The following HEXB variants were observed in gnomAD, a reference collection of about 807,000 sequenced individuals.
HEXB encodes the protein hexosaminidase subunit beta, also known as beta-hexosaminidase subunit beta.
HEXB carries 51 observed loss-of-function variants against 71.2 expected under a neutral mutation model. The observed-to-expected ratio is 0.72, with a 90% CI of 0.57 to 0.90. The LOEUF (loss-of-function observed/expected upper bound fraction) is 0.90, where lower values mean the gene tolerates loss of function less well. Ranked by LOEUF, HEXB falls within the 40% of genes least tolerant of loss-of-function variation. HEXB has a pLI of 0.00. For missense variants in HEXB, 617 were observed against 677.0 expected (o/e 0.91, Z 0.98); for synonymous variants, 266 against 249.3 (o/e 1.07, Z -0.63).
chr5:74,704,367 ATTGT>A (rs1749332162), intron 5 of HEXB, among the ~76,000 whole-genome samples: 1 of 151,882 alleles, frequency 6.6e-6, no homozygotes, highest in Non-Finnish European at 1.5e-5. Flanking sequence ...CTTCTCCCTT[ATTGT>A]TTTTCATCTT....
chr5:74,698,548 C>T (rs1333584009), intron 5 of HEXB, among the ~76,000 whole-genome samples: 1 of 152,068 alleles, frequency 6.6e-6, no homozygotes, highest in African/African-American at 2.4e-5. Context: ...CACACCACCA[C>T]ACCCAGCTAA....
chr5:74,693,739 T>G, intron 3 of HEXB, 35 bp downstream of exon 3: 1 of 1,514,190 alleles, frequency 6.6e-7, no homozygotes, highest in South Asian at 1.1e-5. Context: ...TACTTTCCAG[T>G]AAAGGAAAAT....
At chr5:74,696,615 G>A (rs1580383397) in intron 3 of HEXB, 78 bp from the exon 4 acceptor site, 2 of 788,828 alleles carry the variant, frequency 2.5e-6, no homozygotes, top group African/African-American at 1.7e-5. Flanking sequence ...CTGGTTATGA[G>A]TCTGTTTGAA....
intron 1 of HEXB, among the ~76,000 whole-genome samples, chr5:74,674,458 G>C (rs1748594550): frequency 6.6e-6 from 1 of 152,024 alleles, no homozygotes; most frequent in Non-Finnish European, 1.5e-5. Flanking sequence ...GAAAAAATTA[G>C]CCAGGTATGG....
chr5:74,688,579 G>A (rs974602875), intron 1 of HEXB, among the ~76,000 whole-genome samples: 16 of 152,088 alleles, frequency 1.1e-4, no homozygotes, highest in African/African-American at 2.9e-4. Context: ...TCCTGACCTC[G>A]TGATCCTCCC....
intron 1 of HEXB, among the ~76,000 whole-genome samples, chr5:74,658,376 C>G (rs1561203532): frequency 6.6e-6 from 1 of 152,158 alleles, no homozygotes; most frequent in East Asian, 1.9e-4. Context: ...TCGCCTTGCC[C>G]AAAGACAGGT....
chr5:74,659,250 C>T (rs921495127), intron 1 of HEXB, among the ~76,000 whole-genome samples: 1 of 152,154 alleles, frequency 6.6e-6, no homozygotes, highest in Non-Finnish European at 1.5e-5. Flanking sequence ...TGCCTGAGAC[C>T]TCACAGCGTT....
chr5:74,666,158 G>T, intron 1 of HEXB, among the ~76,000 whole-genome samples: 1 of 152,316 alleles, frequency 6.6e-6, no homozygotes, highest in Non-Finnish European at 1.5e-5. Context: ...CCAGGGGCTC[G>T]ACTGCAAACC....
At chr5:74,662,136 C>T (rs1165825203) in intron 1 of HEXB, among the ~76,000 whole-genome samples, 3 of 152,036 alleles carry the variant, frequency 2.0e-5, no homozygotes, top group Non-Finnish European at 4.4e-5. Flanking sequence ...ATCCTCCATA[C>T]CCCAGAGAAA....
chr5:74,693,182 G>A (rs1054196931), intron 2 of HEXB, among the ~76,000 whole-genome samples: 6 of 152,184 alleles, frequency 3.9e-5, no homozygotes, highest in South Asian at 4.1e-4. Flanking sequence ...AGATTTGAGC[G>A]ACACCTAGGG....
intron 1 of HEXB, among the ~76,000 whole-genome samples, chr5:74,677,744 GTT>G (rs571557298): frequency 7.9e-5 from 12 of 151,828 alleles, no homozygotes; most frequent in African/African-American, 2.7e-4. Context: ...GGTACAAGTG[GTT>G]TTTTGTTAAA....
chr5:74,653,872 A>T (rs1236131310), intron 1 of HEXB, among the ~76,000 whole-genome samples: 1 of 152,120 alleles, frequency 6.6e-6, no homozygotes, highest in Non-Finnish European at 1.5e-5. Flanking sequence ...TCGATAGGTC[A>T]CATCTTCAAA....
upstream of HEXB, among the ~76,000 whole-genome samples, chr5:74,683,515 G>A (rs867542035): frequency 4.1e-4 from 63 of 152,240 alleles, no homozygotes; most frequent in African/African-American, 1.4e-3. Flanking sequence ...TGTTGGCCAG[G>A]CTGGTCTCGA....
chr5:74,685,624 G>T lies in HEXB; in HGVS notation c.299+65G>T, dbSNP rs571915856. The T allele has an allele frequency of 2.6e-5, 37 of 1,433,832 alleles. No homozygotes were observed. The African/African-American group carries it at 2.6e-4, about 10-fold the overall frequency. The allele number at this position is 1,433,832 out of a possible 1,614,324, so 88.8% of individuals were successfully genotyped here. On this transcript the variant is annotated intron_variant, in intron 1 of 13. Transcript: ENST00000261416. ...GGGGAGAGGCGGACCACCCCGGAGC[G>T]CTGTGCAGACCCTCACCACCCCACT...
Position 74,696,648 on chromosome 5 carries a change from A to G in HEXB, c.512-45A>G, listed in dbSNP as rs746391674. ...GAATAATATAACTTTTATCATCTCA[A>G]TTTGTTGATTTATAAATTAATGCAA... On this transcript the variant is annotated intron_variant, in intron 3 of 13. Transcript: ENST00000261416. The G allele has an allele frequency of 1.7e-5, 17 of 1,011,586 alleles. No individual in the cohort carries two copies. The East Asian group carries it at 2.6e-4, about 16-fold the overall frequency. 62.7% of individuals were successfully genotyped at this position (1,011,586 alleles called of 1,614,324 possible).
At chr5:74,689,787 AACAT>A (rs1196593315) in intron 2 of HEXB, 3 of 324,822 alleles carry the variant, frequency 9.2e-6, no homozygotes, top group African/African-American at 6.4e-5. Flanking sequence ...CATAAATACA[AACAT>A]GATAAGCATT....
upstream of HEXB, among the ~76,000 whole-genome samples, chr5:74,682,008 A>G (rs1748746789): frequency 6.6e-6 from 1 of 152,258 alleles, no homozygotes; most frequent in South Asian, 2.1e-4. Flanking sequence ...GCTTTCAGCC[A>G]GTTGCCAGCA....
intron 1 of HEXB, among the ~76,000 whole-genome samples, chr5:74,656,894 G>A (rs927536745): frequency 6.6e-6 from 1 of 152,192 alleles, no homozygotes; most frequent in South Asian, 2.1e-4. Context: ...TTACAGGTGT[G>A]AGCCACCACG....
intron 1 of HEXB, among the ~76,000 whole-genome samples, chr5:74,665,982 C>T (rs1395794043): frequency 6.6e-6 from 1 of 152,164 alleles, no homozygotes; most frequent in Non-Finnish European, 1.5e-5. Flanking sequence ...CTTTATAACA[C>T]AGAAGTACCA....
Sources: allele counts gnomAD v4.1 joint callset (sites outside exome capture counted in the v4.1 genomes callset), GRCh38; gene constraint gnomAD v4.1.1; transcripts MANE v1.5; gene names NCBI Gene and HGNC (gene_info 2026-07-23, HGNC 2026-07-21).